Variants in TAFA2 observed in about 807,000 individuals in gnomAD.
TAFA2 encodes chemokine-like protein TAFA-2.
A neutral mutation model predicts 18.8 loss-of-function variants in TAFA2; 7 were observed. The observed-to-expected ratio is 0.37, with a 90% CI of 0.21 to 0.70. The LOEUF is 0.70. Ranked by LOEUF, TAFA2 falls within the 30% of genes least tolerant of loss-of-function variation. The pLI is 0.53. For synonymous variants in TAFA2, 60 were observed against 54.2 expected, an observed-to-expected ratio of 1.11 and a Z score of -0.47; for missense variants, 122 against 158.1, an observed-to-expected ratio of 0.77 and a Z score of 1.23.
chr12:62,045,936 G>C (rs1368320689), intron 1 of TAFA2, among the ~76,000 whole-genome samples: 1 of 152,126 alleles, frequency 6.6e-6, no homozygotes, highest in Admixed American at 6.6e-5. Flanking sequence ...ACCAGAGCAA[G>C]AGATCTGAGA....
intron 1 of TAFA2, among the ~76,000 whole-genome samples, chr12:62,030,533 T>C (rs1881429592): frequency 6.6e-6 from 1 of 151,984 alleles, no homozygotes; most frequent in South Asian, 2.1e-4. Flanking sequence ...AAGGAAGACA[T>C]CTATTCTACT....
intron 1 of TAFA2, among the ~76,000 whole-genome samples, chr12:61,968,001 G>A (rs973959750): frequency 3.3e-5 from 5 of 151,656 alleles, no homozygotes; most frequent in African/African-American, 1.2e-4. Flanking sequence ...CTTCTTTTTG[G>A]TTCAATGGGT....
chr12:61,947,133 A>T (rs892976886), intron 1 of TAFA2, among the ~76,000 whole-genome samples: 2 of 138,034 alleles, frequency 1.4e-5, no homozygotes, highest in African/African-American at 5.7e-5. Flanking sequence ...AGCCATAAAA[A>T]ATGATGAGTT....
chr12:61,842,119 A>G (rs1291297386), intron 2 of TAFA2, among the ~76,000 whole-genome samples: 2 of 152,124 alleles, frequency 1.3e-5, no homozygotes, highest in Admixed American at 6.6e-5. Flanking sequence ...TCAAAGCGGT[A>G]TAGAAAACAG....
chr12:62,213,869 C>T (rs1170913396), intron 1 of TAFA2, among the ~76,000 whole-genome samples: 1 of 152,134 alleles, frequency 6.6e-6, no homozygotes. Flanking sequence ...GTTTTGAACT[C>T]AGAATGTCCC....
intron 1 of TAFA2, among the ~76,000 whole-genome samples, chr12:62,133,902 C>CA (rs776518339): frequency 6.6e-6 from 1 of 152,010 alleles, no homozygotes; most frequent in African/African-American, 2.4e-5. Context: ...ATAGCTTATC[C>CA]ATTTTCTTAC....
chr12:62,177,065 G>C (rs1040631646), intron 1 of TAFA2, among the ~76,000 whole-genome samples: 2 of 152,228 alleles, frequency 1.3e-5, no homozygotes, highest in Non-Finnish European at 2.9e-5. Flanking sequence ...TTAGCACAGT[G>C]CCTGGCATGT....
intron 2 of TAFA2, among the ~76,000 whole-genome samples, chr12:61,818,138 T>A (rs1386262095): frequency 6.6e-6 from 1 of 152,212 alleles, no homozygotes; most frequent in African/African-American, 2.4e-5. Context: ...TGGATCATTT[T>A]TCTAAAGCCT....
At chr12:61,782,852 G>GAT (rs1270593280) in intron 2 of TAFA2, among the ~76,000 whole-genome samples, 2 of 151,654 alleles carry the variant, frequency 1.3e-5, no homozygotes, top group African/African-American at 4.8e-5. Flanking sequence ...AGGTGAAGCA[G>GAT]ATATAATTAT....
chr12:62,226,061 A>G (rs1266501417), intron 1 of TAFA2, among the ~76,000 whole-genome samples: 3 of 152,112 alleles, frequency 2.0e-5, no homozygotes, highest in African/African-American at 7.2e-5. Flanking sequence ...GCCTTCAAGA[A>G]GTTTTGTTTG....
chr12:62,238,284 C>T (rs2062847042), intron 1 of TAFA2, among the ~76,000 whole-genome samples: 1 of 152,104 alleles, frequency 6.6e-6, no homozygotes. Context: ...CATCTCAGCC[C>T]CAAATTTAAA....
Position 62,191,695 on chromosome 12 carries a change from C to T in TAFA2, c.-438G>A, listed in dbSNP as rs1386384801. 1 of 152,242 alleles carries T rather than the reference C, an allele frequency of 6.6e-6. No individual in the cohort carries two copies. Among genetic ancestry groups the T allele is most frequent in the African/African-American group, 2.4e-5 (1 of 41,454 alleles). The allele number at this position is 152,242 out of a possible 1,614,324, so 9.4% of individuals were successfully genotyped here. A position where few individuals can be genotyped will look rare whatever the true frequency, so the allele number is the denominator to read the frequency against. Reference sequence around the variant, plus strand: ...CCTCGCCGGATGCGCGCGGTGCGCTCAGCTCCCTGGACTGCAAGAATCAAG... The same window carrying T: ...CCTCGCCGGATGCGCGCGGTGCGCTTAGCTCCCTGGACTGCAAGAATCAAG... On this transcript the variant is annotated 5_prime_UTR_variant, in exon 1 of 5. Coordinates refer to ENST00000416284, the MANE Select transcript of TAFA2 (RefSeq NM_178539.5).
intron 1 of TAFA2, among the ~76,000 whole-genome samples, chr12:61,954,343 C>T (rs1045217219): frequency 6.6e-6 from 1 of 152,040 alleles, no homozygotes; most frequent in African/African-American, 2.4e-5. Context: ...GTTTTTTAAT[C>T]CACTCAAGAT....
chr12:61,748,578 G>C (rs1281744269), intron 4 of TAFA2, among the ~76,000 whole-genome samples: 1 of 152,178 alleles, frequency 6.6e-6, no homozygotes, highest in East Asian at 1.9e-4. Flanking sequence ...GTCTGAATTA[G>C]CACCCCTGGA....
At position 62,021,556 on chromosome 12, in the gene TAFA2, A is replaced by G. The variant is rs535901169; in HGVS notation, c.-1-154130T>C. On this transcript the variant is annotated intron_variant, in intron 1 of 4. Coordinates refer to ENST00000416284, the MANE Select transcript of TAFA2 (RefSeq NM_178539.5). ...TCCAGACTCCAGAATACAGCTGCCA[A>G]GGAGACCCTGTTACGCTGTGGGGAC... 6 of 773,604 alleles carry G rather than the reference A, an allele frequency of 7.8e-6. No individual in the cohort carries two copies. In the East Asian group the frequency reaches 1.2e-4, roughly 16 times the overall value. The allele number at this position is 773,604 out of a possible 1,614,324, so 47.9% of individuals were successfully genotyped here.
intron 1 of TAFA2, among the ~76,000 whole-genome samples, chr12:62,029,995 A>G (rs952580178): frequency 6.6e-6 from 1 of 152,114 alleles, no homozygotes; most frequent in African/African-American, 2.4e-5. Flanking sequence ...TTTACCTCCC[A>G]TTGAGGTCTC....
At chr12:62,181,186 G>C (rs1403335784) in intron 1 of TAFA2, among the ~76,000 whole-genome samples, 2 of 151,970 alleles carry the variant, frequency 1.3e-5, no homozygotes, top group Non-Finnish European at 2.9e-5. Flanking sequence ...ACACGCGTGT[G>C]CACACACACA....
intron 1 of TAFA2, among the ~76,000 whole-genome samples, chr12:62,063,634 C>T (rs996813468): frequency 4.6e-5 from 7 of 152,070 alleles, no homozygotes; most frequent in Admixed American, 1.3e-4. Context: ...TCCATTTGCA[C>T]AATGAATGCT....
chr12:61,842,668 C>A (rs1315566344), intron 2 of TAFA2, among the ~76,000 whole-genome samples: 1 of 151,834 alleles, frequency 6.6e-6, no homozygotes, highest in Non-Finnish European at 1.5e-5. Flanking sequence ...TTAAAAATCT[C>A]AAAGGCATGA....
Sources: allele counts gnomAD v4.1 joint callset (sites outside exome capture counted in the v4.1 genomes callset), GRCh38; gene constraint gnomAD v4.1.1; transcripts MANE v1.5; gene names NCBI Gene and HGNC (gene_info 2026-07-23, HGNC 2026-07-21).